The following WNT3A variants were observed in gnomAD, a reference collection of about 807,000 sequenced individuals.
The protein encoded by WNT3A is Wnt family member 3A, also known as protein Wnt-3a.
WNT3A carries 17 observed loss-of-function variants against 37.0 expected under a neutral mutation model. That is an observed-to-expected ratio of 0.46 (90% CI 0.31 to 0.69). WNT3A has a LOEUF of 0.69. Ranked by LOEUF, WNT3A falls within the 30% of genes least tolerant of loss-of-function variation. WNT3A has a pLI of 0.05. For synonymous variants in WNT3A, 187 were observed against 211.0 expected (o/e 0.89, Z 0.99); for missense variants, 411 against 510.2 (o/e 0.81, Z 1.87).
Position 228,046,795 on chromosome 1 carries a change from G to A in WNT3A, c.314-3861G>A, listed in dbSNP as rs182538953. ...GTGCATGTGTGTGCATGCGTGTGATGTGTGCATGTGTGTGGTGTGCATGCC... is the reference window on the plus strand; with the variant it reads ...GTGCATGTGTGTGCATGCGTGTGATATGTGCATGTGTGTGGTGTGCATGCC... On this transcript the variant is annotated intron_variant, in intron 2 of 3. Transcript: ENST00000284523. Among the ~76,000 whole-genome samples, 554 of 151,718 alleles carry A rather than the reference G, an allele frequency of 3.7e-3. 11 individuals carry two copies. The highest frequency in any genetic ancestry group is 0.03 in the East Asian group (155 of 5,150).
chr1:228,036,990 C>T (rs2031159227), intron 2 of WNT3A, among the ~76,000 whole-genome samples: 1 of 152,158 alleles, frequency 6.6e-6, no homozygotes. Flanking sequence ...TGCTCGGTGC[C>T]CTCTAACATG....
chr1:228,029,743 C>CA (rs2030952687), intron 2 of WNT3A, among the ~76,000 whole-genome samples: 1 of 146,682 alleles, frequency 6.8e-6, no homozygotes, highest in African/African-American at 2.7e-5. Context: ...TGTGCCCACC[C>CA]CCCCCCCAAT....
chr1:228,013,818 A>C (rs1309629467), intron 1 of WNT3A, among the ~76,000 whole-genome samples: 1 of 152,212 alleles, frequency 6.6e-6, no homozygotes, highest in Non-Finnish European at 1.5e-5. Context: ...CAACAGGGAA[A>C]CACTTCGAGC....
intron 1 of WNT3A, among the ~76,000 whole-genome samples, chr1:228,011,554 C>G (rs2030373238): frequency 6.6e-6 from 1 of 152,156 alleles, no homozygotes; most frequent in Admixed American, 6.5e-5. Context: ...GTATCTGTCT[C>G]TGCCCGTCTC....
chr1:228,047,362 CCATAG>C (rs1460845563), intron 2 of WNT3A, among the ~76,000 whole-genome samples: 1 of 152,172 alleles, frequency 6.6e-6, no homozygotes, highest in African/African-American at 2.4e-5. Context: ...CAGTGCAAAG[CCATAG>C]CCTCAAATAC....
At chr1:228,049,393 A>G (rs1351727262) in intron 2 of WNT3A, among the ~76,000 whole-genome samples, 6 of 152,172 alleles carry the variant, frequency 3.9e-5, no homozygotes, top group African/African-American at 1.4e-4. Context: ...TGTTATTCCT[A>G]AATTAAATGC....
chr1:228,043,548 C>T (rs1286022194), intron 2 of WNT3A, among the ~76,000 whole-genome samples: 1 of 152,234 alleles, frequency 6.6e-6, no homozygotes, highest in Non-Finnish European at 1.5e-5. Context: ...ATAGCTGACT[C>T]TGTTGTGTCA....
chr1:228,028,903 C>A (rs114252891), intron 2 of WNT3A, among the ~76,000 whole-genome samples: 2,407 of 152,260 alleles, frequency 0.016, 77 homozygotes, highest in African/African-American at 0.055. Context: ...TCAAAGACCA[C>A]CCTTCAATTA....
chr1:228,060,093 C>T lies in WNT3A; in HGVS notation c.*628C>T. 1 of 1,255,902 alleles carries T rather than the reference C, an allele frequency of 8.0e-7. No homozygotes were observed. Among genetic ancestry groups the T allele is most frequent in the Non-Finnish European group, 1.0e-6 (1 of 973,182 alleles). 77.8% of individuals were successfully genotyped at this position (1,255,902 alleles called of 1,614,324 possible). ...GGGCGTGGCCTGCATAGGCTCCTTC[C>T]TGTGGGTGGGGCTTCTCTGGGACCA... is the stretch of plus-strand genomic sequence containing the variant. On this transcript the variant is annotated 3_prime_UTR_variant, in exon 4 of 4. Transcript: ENST00000284523.
At chr1:228,021,877 G>T (rs1028584433) in intron 1 of WNT3A, among the ~76,000 whole-genome samples, 4 of 152,178 alleles carry the variant, frequency 2.6e-5, no homozygotes, top group Admixed American at 1.3e-4. Flanking sequence ...CTAGCCCTGA[G>T]TCCCCCATTG....
chr1:228,057,560 C>T (rs1383933420), intron 3 of WNT3A, among the ~76,000 whole-genome samples: 2 of 151,948 alleles, frequency 1.3e-5, no homozygotes, highest in South Asian at 2.1e-4. Flanking sequence ...CTGGGCAGGG[C>T]GAGGGATATG....
At chr1:228,041,520 C>G (rs1203535485) in intron 2 of WNT3A, among the ~76,000 whole-genome samples, 1 of 133,916 alleles carries the variant, frequency 7.5e-6, no homozygotes, top group Non-Finnish European at 1.5e-5. Flanking sequence ...TCCATCAATT[C>G]ATCCATCCAT....
intron 2 of WNT3A, among the ~76,000 whole-genome samples, chr1:228,024,582 T>G (rs1458986102): frequency 9.2e-5 from 14 of 152,234 alleles, no homozygotes; most frequent in Admixed American, 9.2e-4. Flanking sequence ...ATCAGATGTA[T>G]GATTGGTGAA....
chr1:228,057,682 C>T (rs2031707692), intron 3 of WNT3A, among the ~76,000 whole-genome samples: 2 of 152,122 alleles, frequency 1.3e-5, no homozygotes, highest in South Asian at 4.1e-4. Flanking sequence ...CAGTTGAAGC[C>T]TTAGATTAGA....
intron 2 of WNT3A, among the ~76,000 whole-genome samples, chr1:228,030,198 C>A (rs1265893287): frequency 1.3e-5 from 2 of 151,846 alleles, no homozygotes; most frequent in African/African-American, 4.8e-5. Flanking sequence ...AGTTCGAGAC[C>A]AGCCTGGCTA....
At chr1:228,051,538 T>C (rs1366670124) in intron 3 of WNT3A, among the ~76,000 whole-genome samples, 2 of 152,178 alleles carry the variant, frequency 1.3e-5, no homozygotes. Context: ...CTCACAGTTC[T>C]GGAGACTGGG....
Position 228,042,120 on chromosome 1 carries a change from A to G in WNT3A, c.314-8536A>G, listed in dbSNP as rs1186865557. 6.6e-6 allele frequency among the ~76,000 whole-genome samples: 1 copy of G among 152,096 alleles called. No individual in the cohort carries two copies. The highest frequency in any genetic ancestry group is 1.9e-4 in the East Asian group (1 of 5,182). On this transcript the variant is annotated intron_variant, in intron 2 of 3. Transcript: ENST00000284523. This position sits in a 1 kb window ranked among gnomAD's most constrained non-coding sequence, Gnocchi z 5.2. ...CAGCCTCTTGAGTAGCTGGCACTACAGGTGCACGCCACCATGCCCCGCTGA... is the reference window on the plus strand; with the variant it reads ...CAGCCTCTTGAGTAGCTGGCACTACGGGTGCACGCCACCATGCCCCGCTGA...
chr1:228,040,168 A>G (rs1454360031), intron 2 of WNT3A, among the ~76,000 whole-genome samples: 2 of 152,224 alleles, frequency 1.3e-5, no homozygotes, highest in Admixed American at 1.3e-4. Flanking sequence ...AGGAGCCCAT[A>G]ATGATGAGTT....
At chr1:228,047,209 T>A (rs986267068) in intron 2 of WNT3A, among the ~76,000 whole-genome samples, 1 of 152,116 alleles carries the variant, frequency 6.6e-6, no homozygotes, top group Non-Finnish European at 1.5e-5. Flanking sequence ...GCAGTGGGTG[T>A]CCAGGCCTGA....
Sources: gnomAD v4.1 joint callset for allele counts (sites outside exome capture counted in the v4.1 genomes callset) on GRCh38, gnomAD v4.1.1 for gene constraint, Gnocchi (gnomAD v3.1) non-coding constraint, MANE v1.5 for transcripts, NCBI Gene and HGNC (gene_info 2026-07-23, HGNC 2026-07-21) for gene names.